Variants in RNF32 observed in about 807,000 individuals in gnomAD.
RNF32 encodes ring finger protein 32.
A neutral mutation model predicts 41.0 loss-of-function variants in RNF32; 36 were observed. The observed-to-expected ratio is 0.88, with a 90% CI of 0.67 to 1.16. The LOEUF (loss-of-function observed/expected upper bound fraction) is 1.16, where lower values mean the gene tolerates loss of function less well. Among genes scored for constraint, RNF32 ranks in the 50% most tolerant of loss-of-function variants. The pLI, the probability that RNF32 is intolerant of heterozygous loss-of-function variation, is 0.00. For synonymous variants in RNF32, 154 were observed against 160.9 expected (o/e 0.96, Z 0.32); for missense variants, 413 against 436.7 (o/e 0.95, Z 0.48).
chr7:156,643,721 C>G, intron 1 of RNF32, 80 bp from the exon 2 acceptor site: 1 of 704,462 alleles, frequency 1.4e-6, no homozygotes, highest in Non-Finnish European at 2.5e-6. Context: ...ATCTGTTAGA[C>G]TCTTACAGAG....
chr7:156,675,909 T>G, intron 8 of RNF32, 46 bp downstream of exon 8: 1 of 1,585,256 alleles, frequency 6.3e-7, no homozygotes, highest in Non-Finnish European at 8.6e-7. Context: ...CAGCTGCAGC[T>G]GCAGAGGCTG....
intron 4 of RNF32, among the ~76,000 whole-genome samples, chr7:156,656,880 G>A (rs1293123082): frequency 2.6e-5 from 4 of 152,268 alleles, no homozygotes; most frequent in South Asian, 2.1e-4. Context: ...AGGGCCTGGC[G>A]CTGGTGGGCT....
chr7:156,650,583 T>A (rs1798584220), intron 3 of RNF32, among the ~76,000 whole-genome samples: 1 of 152,144 alleles, frequency 6.6e-6, no homozygotes, highest in Non-Finnish European at 1.5e-5. Flanking sequence ...CGTTCTAAGG[T>A]CTTGATTAGT....
chr7:156,664,848 T>C (rs74564038), intron 7 of RNF32, among the ~76,000 whole-genome samples: 2 of 152,176 alleles, frequency 1.3e-5, no homozygotes, highest in Non-Finnish European at 2.9e-5. Flanking sequence ...GAAAATGTCA[T>C]TTTTCCAATG....
chr7:156,660,899 C>T (rs1800553648), intron 7 of RNF32, among the ~76,000 whole-genome samples: 2 of 152,206 alleles, frequency 1.3e-5, no homozygotes, highest in South Asian at 4.1e-4. Context: ...GGAAGTTATA[C>T]ATTGGTTTGG....
intron 3 of RNF32, chr7:156,646,676 T>C: frequency 5.1e-6 from 2 of 391,398 alleles, no homozygotes; most frequent in South Asian, 4.5e-5. Context: ...TCACTTACAT[T>C]TGTTGTCTGG....
At chr7:156,666,538 G>T (rs1428696832) in intron 7 of RNF32, among the ~76,000 whole-genome samples, 1 of 152,224 alleles carries the variant, frequency 6.6e-6, no homozygotes, top group African/African-American at 2.4e-5. Flanking sequence ...CTTGTGGTAA[G>T]AATTGAAAAG....
At chr7:156,655,288 A>G (rs1027327732) in intron 4 of RNF32, among the ~76,000 whole-genome samples, 1 of 151,878 alleles carries the variant, frequency 6.6e-6, no homozygotes, top group African/African-American at 2.4e-5. Context: ...ATGCATATAT[A>G]TATATAGAGA....
At chr7:156,640,660 G>C (rs1038507448), upstream of RNF32, 4 of 351,628 alleles carry the variant, frequency 1.1e-5, no homozygotes, top group Admixed American at 1.2e-4. Flanking sequence ...AGCATGCGCA[G>C]TATGGGGCGG....
intron 1 of RNF32, among the ~76,000 whole-genome samples, chr7:156,641,890 T>C (rs984276475): frequency 2.6e-5 from 4 of 152,214 alleles, no homozygotes; most frequent in African/African-American, 9.6e-5. Flanking sequence ...GATGCCAGAA[T>C]TGAACGGGAA....
At chr7:156,672,927 T>A (rs1475086087) in intron 7 of RNF32, among the ~76,000 whole-genome samples, 4 of 152,236 alleles carry the variant, frequency 2.6e-5, no homozygotes, top group Non-Finnish European at 5.9e-5. Flanking sequence ...TGAATGGGCC[T>A]CAGAATCACC....
intron 3 of RNF32, among the ~76,000 whole-genome samples, chr7:156,649,012 C>T (rs565390897): frequency 7.2e-5 from 11 of 152,236 alleles, no homozygotes; most frequent in African/African-American, 2.6e-4. Flanking sequence ...GTTTGTTTTG[C>T]TTATGATACT....
At chr7:156,644,350 C>G in intron 2 of RNF32, 149 bp from the exon 3 acceptor site, 1 of 663,014 alleles carries the variant, frequency 1.5e-6, no homozygotes, top group Non-Finnish European at 2.7e-6. Flanking sequence ...CAAGGGTCTG[C>G]TCCTACTTAG....
intron 3 of RNF32, among the ~76,000 whole-genome samples, chr7:156,648,157 A>T (rs1329656333): frequency 6.6e-6 from 1 of 152,084 alleles, no homozygotes; most frequent in African/African-American, 2.4e-5. Flanking sequence ...CCGAAAAGTT[A>T]GAAATATGAT....
In RNF32 at chr7:156,658,272, T is replaced by C. The variant is rs1563082225; in HGVS notation, c.575+20T>C. On this transcript the variant is annotated intron_variant, in intron 6 of 8. Coordinates refer to ENST00000317955, the MANE Select transcript of RNF32 (RefSeq NM_030936.4). ...GACCAGGTGAGGACGCCAGGCCCGTTTGGCGCTAAGCAGACACAGATCAGG... is the reference window on the plus strand; with the variant it reads ...GACCAGGTGAGGACGCCAGGCCCGTCTGGCGCTAAGCAGACACAGATCAGG... 7 of 1,611,978 alleles carry C rather than the reference T, an allele frequency of 4.3e-6. No homozygotes were observed. The highest frequency in any genetic ancestry group is 2.2e-5 in the East Asian group (1 of 44,874).
At chr7:156,650,491 G>T (rs1798574133) in intron 3 of RNF32, among the ~76,000 whole-genome samples, 1 of 152,192 alleles carries the variant, frequency 6.6e-6, no homozygotes, top group African/African-American at 2.4e-5. Flanking sequence ...ACGTGCTATT[G>T]ATTTTAAACA....
chr7:156,657,484 G>C (rs1054289614), intron 4 of RNF32, 57 bp from the exon 5 acceptor site: 60 of 1,557,698 alleles, frequency 3.9e-5, no homozygotes, highest in Non-Finnish European at 5.0e-5. Flanking sequence ...TTAACTGTTG[G>C]ATACATGCTG....
At chr7:156,657,118 G>T (rs1210025846) in intron 4 of RNF32, among the ~76,000 whole-genome samples, 1 of 152,192 alleles carries the variant, frequency 6.6e-6, no homozygotes, top group Admixed American at 6.5e-5. Flanking sequence ...GTAGAGCTAT[G>T]ATTTCACAAA....
chr7:156,657,792 ATTG>A (rs1161634296), intron 5 of RNF32: 20 of 612,938 alleles, frequency 3.3e-5, no homozygotes, highest in Non-Finnish European at 5.2e-5. Flanking sequence ...TATGTAACAG[ATTG>A]TTGTCAGTAA....
Sources: gnomAD v4.1 joint callset for allele counts (sites outside exome capture counted in the v4.1 genomes callset) on GRCh38, gnomAD v4.1.1 for gene constraint, MANE v1.5 for transcripts, NCBI Gene and HGNC (gene_info 2026-07-23, HGNC 2026-07-21) for gene names.